The following PTPRN2 variants were observed in gnomAD, a reference collection of about 807,000 sequenced individuals.
PTPRN2 encodes receptor-type tyrosine-protein phosphatase N2.
Under a neutral mutation model 118.8 loss-of-function variants are expected in PTPRN2, and 74 were observed. That is an observed-to-expected ratio of 0.62 (90% CI 0.52 to 0.76). The LOEUF (loss-of-function observed/expected upper bound fraction) is 0.76, where lower values mean the gene tolerates loss of function less well. Ranked by LOEUF, PTPRN2 falls within the 30% of genes least tolerant of loss-of-function variation. The pLI is 0.00. For synonymous variants in PTPRN2, 641 were observed against 608.0 expected, an observed-to-expected ratio of 1.05 and a Z score of -0.80; for missense variants, 1,481 against 1,394.4, an observed-to-expected ratio of 1.06 and a Z score of -0.99.
At chr7:158,078,068 C>G (rs1419933357) in intron 11 of PTPRN2, among the ~76,000 whole-genome samples, 1 of 152,104 alleles carries the variant, frequency 6.6e-6, no homozygotes, top group Non-Finnish European at 1.5e-5. Flanking sequence ...GCATTGCCTA[C>G]GATAAAGAGG....
At chr7:158,249,147 TATTC>T (rs770172544) in intron 3 of PTPRN2, among the ~76,000 whole-genome samples, 26 of 149,116 alleles carry the variant, frequency 1.7e-4, no homozygotes, top group Admixed American at 8.0e-4. Flanking sequence ...GTGAATCACA[TATTC>T]ATATCACCAC....
intron 2 of PTPRN2, among the ~76,000 whole-genome samples, chr7:158,485,253 C>G (rs1025671326): frequency 7.9e-5 from 12 of 152,152 alleles, no homozygotes; most frequent in Non-Finnish European, 1.8e-4. Flanking sequence ...ACTTGCTCCT[C>G]TTGCCCTCCT....
Position 158,525,108 on chromosome 7 carries a change from T to G in PTPRN2, c.113-35323A>C, listed in dbSNP as rs1011643519. 1.3e-5 allele frequency among the ~76,000 whole-genome samples: 2 copies of G among 152,080 alleles called. No homozygotes were observed. The highest frequency in any genetic ancestry group is 2.9e-5 in the Non-Finnish European group (2 of 68,026). On this transcript the variant is annotated intron_variant, in intron 1 of 22. Coordinates refer to ENST00000389418, the MANE Select transcript of PTPRN2 (RefSeq NM_002847.5). The surrounding 1 kb of genome is among the most constrained non-coding windows in gnomAD (Gnocchi z 4.1). ...ACTGAACCCTCAAGCTGGCCCTCCA[T>G]GCGAAGAAATGCTGCGTCCCAGGCC...
chr7:158,520,442 T>C (rs931920653), intron 1 of PTPRN2, among the ~76,000 whole-genome samples: 33 of 152,352 alleles, frequency 2.2e-4, no homozygotes, highest in African/African-American at 7.2e-4. Flanking sequence ...AAACAGTTCA[T>C]GCCCTTCGGT....
chr7:158,405,076 C>A (rs1486890242), intron 2 of PTPRN2, among the ~76,000 whole-genome samples: 1 of 151,378 alleles, frequency 6.6e-6, no homozygotes, highest in African/African-American at 2.4e-5. Flanking sequence ...GCCTCCAGCT[C>A]CTCGGCCTCA....
intron 11 of PTPRN2, among the ~76,000 whole-genome samples, chr7:158,049,181 C>T (rs1057082596): frequency 1.9e-4 from 24 of 127,658 alleles, no homozygotes; most frequent in Admixed American, 1.8e-3. Flanking sequence ...TTGCCACCAT[C>T]GCCATCAACA....
chr7:158,182,204 A>G (rs969004019), intron 5 of PTPRN2, among the ~76,000 whole-genome samples: 1 of 152,088 alleles, frequency 6.6e-6, no homozygotes, highest in Non-Finnish European at 1.5e-5. Context: ...TTTTATTTCC[A>G]TGTATTTGTG....
At chr7:158,545,149 T>C (rs1341405057) in intron 1 of PTPRN2, among the ~76,000 whole-genome samples, 1 of 152,252 alleles carries the variant, frequency 6.6e-6, no homozygotes, top group Non-Finnish European at 1.5e-5. Flanking sequence ...CTTAGCTGGC[T>C]TTCACTGATT....
intron 1 of PTPRN2, among the ~76,000 whole-genome samples, chr7:158,507,505 C>T (rs1822843150): frequency 6.6e-6 from 1 of 150,868 alleles, no homozygotes; most frequent in Admixed American, 6.6e-5. Flanking sequence ...GGGGACAGCC[C>T]TGCGCTGGGC....
chr7:158,213,244 GT>G (rs1167715045), intron 3 of PTPRN2, among the ~76,000 whole-genome samples: 9 of 151,546 alleles, frequency 5.9e-5, no homozygotes, highest in African/African-American at 1.7e-4. Context: ...GTGTGTGTGT[GT>G]GTGTGTGGCG....
intron 1 of PTPRN2, among the ~76,000 whole-genome samples, chr7:158,536,862 C>T (rs917045648): frequency 3.9e-5 from 6 of 152,318 alleles, no homozygotes; most frequent in African/African-American, 1.2e-4. Flanking sequence ...ATCAATAAGA[C>T]GGGACTCAGG....
intron 12 of PTPRN2, among the ~76,000 whole-genome samples, chr7:157,819,260 C>A (rs1275628441): frequency 3.9e-5 from 6 of 152,164 alleles, no homozygotes. Context: ...TGAGCCCTCA[C>A]CCCCATGCCT....
At chr7:157,890,504 T>C (rs565369050) in intron 12 of PTPRN2, among the ~76,000 whole-genome samples, 1 of 152,204 alleles carries the variant, frequency 6.6e-6, no homozygotes, top group Admixed American at 6.5e-5. Context: ...TAGCTGAACA[T>C]GGTGGCAGAG....
chr7:158,271,885 G>A (rs1798536673), intron 3 of PTPRN2, among the ~76,000 whole-genome samples: 1 of 151,590 alleles, frequency 6.6e-6, no homozygotes, highest in African/African-American at 2.4e-5. Context: ...TAACACCATG[G>A]CCTTGGGTGA....
At chr7:158,172,386 C>T (rs922374980) in intron 5 of PTPRN2, among the ~76,000 whole-genome samples, 2 of 152,174 alleles carry the variant, frequency 1.3e-5, no homozygotes, top group Non-Finnish European at 1.5e-5. Context: ...TCAGCAGTAT[C>T]ATTATCACCA....
chr7:158,152,104 G>T (rs1485447188), intron 6 of PTPRN2, among the ~76,000 whole-genome samples: 9 of 144,772 alleles, frequency 6.2e-5, no homozygotes, highest in Non-Finnish European at 1.3e-4. Flanking sequence ...AACCCGGGAG[G>T]CGGAGCTTGC....
intron 11 of PTPRN2, among the ~76,000 whole-genome samples, chr7:157,936,730 G>A (rs1000035842): frequency 9.9e-5 from 15 of 151,854 alleles, no homozygotes; most frequent in Non-Finnish European, 1.9e-4. Context: ...TCCTCCACTC[G>A]GAAGCCAGGG....
chr7:158,305,714 C>T (rs1801236248), intron 3 of PTPRN2, among the ~76,000 whole-genome samples: 1 of 150,944 alleles, frequency 6.6e-6, no homozygotes, highest in South Asian at 2.1e-4. Context: ...ATGAGAAAAC[C>T]ACCCAAAAAT....
At chr7:157,933,304 T>C (rs1799497660) in intron 11 of PTPRN2, among the ~76,000 whole-genome samples, 1 of 141,378 alleles carries the variant, frequency 7.1e-6, no homozygotes. Context: ...GATTGACAGT[T>C]TTAGAGGAAG....
Sources: gnomAD v4.1 joint callset for allele counts (sites outside exome capture counted in the v4.1 genomes callset) on GRCh38, gnomAD v4.1.1 for gene constraint, Gnocchi (gnomAD v3.1) non-coding constraint, MANE v1.5 for transcripts, NCBI Gene and HGNC (gene_info 2026-07-23, HGNC 2026-07-21) for gene names.